The following POLQ variants were observed in gnomAD, a reference collection of about 807,000 sequenced individuals.
POLQ encodes DNA polymerase theta.
POLQ carries 233 observed loss-of-function variants against 259.2 expected under a neutral mutation model. The ratio of observed to expected loss-of-function variants is 0.90; its 90% confidence interval spans 0.81 to 1.00. The LOEUF is 1.00. Ranked by LOEUF, POLQ falls within the 50% of genes least tolerant of loss-of-function variation. The pLI, the probability that POLQ is intolerant of heterozygous loss-of-function variation, is 0.00. For missense variants in POLQ, 2,871 were observed against 3,051.6 expected (o/e 0.94, Z 1.39); for synonymous variants, 1,025 against 1,048.8 (o/e 0.98, Z 0.44).
chr3:121,481,022 C>T (rs1329786119), intron 19 of POLQ, among the ~76,000 whole-genome samples: 1 of 152,106 alleles, frequency 6.6e-6, no homozygotes, highest in African/African-American at 2.4e-5. Flanking sequence ...CAGCAGATAA[C>T]AATGACAATA....
In POLQ at chr3:121,468,347, G is replaced by A. The variant is rs1051069163; in HGVS notation, c.6803C>T (p.Pro2268Leu). 1.2e-6 allele frequency: 2 copies of A among 1,611,730 alleles called. No individual in the cohort carries two copies. Among genetic ancestry groups the A allele is most frequent in the Non-Finnish European group, 1.7e-6 (2 of 1,178,140 alleles). Reference sequence around the variant, plus strand: ...GCCTTTGCCTACAGCTTGAGAAGGTGGGCTTTCTCCTACTAGTGTTGGCAT... The same window carrying A: ...GCCTTTGCCTACAGCTTGAGAAGGTAGGCTTTCTCCTACTAGTGTTGGCAT... ...IKMPTLVGES[P>L]PSQAVGKGLL... The change falls in exon 23 of 30, where the codon CCA becomes CTA. Residue 2268 changes from proline to leucine, a missense_variant. Pro to Leu is a moderately conservative substitution (Grantham distance 98). Transcript: ENST00000264233.
intron 26 of POLQ, among the ~76,000 whole-genome samples, chr3:121,444,570 T>A (rs2047618013): frequency 6.6e-6 from 1 of 152,208 alleles, no homozygotes; most frequent in African/African-American, 2.4e-5. Context: ...TCCTTTCCAG[T>A]GTGGATGTCC....
chr3:121,453,190 G>A (rs954093258), intron 25 of POLQ, among the ~76,000 whole-genome samples: 2 of 152,190 alleles, frequency 1.3e-5, no homozygotes, highest in African/African-American at 4.8e-5. Context: ...CTGTCTGTTA[G>A]AAGGAAAACT....
chr3:121,515,961 A>G (rs1212010013), intron 9 of POLQ, among the ~76,000 whole-genome samples: 2 of 151,996 alleles, frequency 1.3e-5, no homozygotes, highest in African/African-American at 2.4e-5. Flanking sequence ...CAAAACAAGA[A>G]GTTTGACAAA....
At chr3:121,492,698 C>G (rs2048078386) in intron 15 of POLQ, among the ~76,000 whole-genome samples, 1 of 150,958 alleles carries the variant, frequency 6.6e-6, no homozygotes, top group Admixed American at 6.6e-5. Flanking sequence ...TTCAGTGGCA[C>G]TATCAGGGCT....
chr3:121,449,986 T>C lies in POLQ; in HGVS notation c.7153-560A>G, dbSNP rs536689688. 4.6e-5 allele frequency among the ~76,000 whole-genome samples: 7 copies of C among 152,286 alleles called. No homozygotes were observed. The South Asian group carries it at 1.0e-3, about 23-fold the overall frequency. The stretch of plus-strand genomic sequence containing the variant: ...ACTCCTAAGAAAATTTCGGGAGTAG[T>C]GAAGGGAAATGATCTAAATAGGCAA... On this transcript the variant is annotated intron_variant, in intron 25 of 29. Transcript: ENST00000264233.
chr3:121,457,329 G>T (rs1204971902), intron 25 of POLQ, among the ~76,000 whole-genome samples: 2 of 152,134 alleles, frequency 1.3e-5, no homozygotes, highest in East Asian at 1.9e-4. Context: ...CATGGGCAAG[G>T]ACTTCATGTC....
intron 26 of POLQ, among the ~76,000 whole-genome samples, chr3:121,440,438 G>A (rs2047581935): frequency 6.6e-6 from 1 of 152,102 alleles, no homozygotes; most frequent in Non-Finnish European, 1.5e-5. Flanking sequence ...AGGCTCAGGA[G>A]ATCCTCCCAC....
At chr3:121,508,472 C>G (rs1393971236) in intron 12 of POLQ, among the ~76,000 whole-genome samples, 1 of 152,102 alleles carries the variant, frequency 6.6e-6, no homozygotes, top group Non-Finnish European at 1.5e-5. Context: ...AATACTTACC[C>G]AAGGTTATAT....
Position 121,467,678 on chromosome 3 carries a change from A to T in POLQ, c.6846-38T>A, listed in dbSNP as rs764740837. Reference sequence around the variant, plus strand: ...CAACATCATCAGTTAGACATGAAGCAGTCTCAAATATATGAAAAAGGTCTG... The same window carrying T: ...CAACATCATCAGTTAGACATGAAGCTGTCTCAAATATATGAAAAAGGTCTG... On this transcript the variant is annotated intron_variant, in intron 23 of 29. Coordinates refer to ENST00000264233, the MANE Select transcript of POLQ (RefSeq NM_199420.4). The T allele has an allele frequency of 1.5e-5, 24 of 1,597,622 alleles. No individual in the cohort carries two copies. In the South Asian group the frequency reaches 2.5e-4, roughly 16 times the overall value.
Position 121,493,024 on chromosome 3 carries a change from G to A in POLQ, c.2522+454C>T, listed in dbSNP as rs1022770144. On this transcript the variant is annotated intron_variant, in intron 15 of 29. Coordinates refer to ENST00000264233, the MANE Select transcript of POLQ (RefSeq NM_199420.4). ...ACAAAATAAAAAGTAATCTGCAGCC[G>A]GGCACTTTGGCTCACGCCTATAATC... 3.9e-5 allele frequency among the ~76,000 whole-genome samples: 6 copies of A among 152,058 alleles called. No homozygotes were observed. In the South Asian group the frequency reaches 8.3e-4, roughly 21 times the overall value.
Position 121,545,816 on chromosome 3 carries a change from G to C in POLQ, c.62C>G (p.Ser21Trp), listed in dbSNP as rs752406703. The part of the protein sequence containing the change: ...RRSESGSDSF[S>W]GSGGDSSASP... ...GGCACTGCTGTCACCGCCGCTTCCC[G>C]AGAACGAATCTGAGCCTGATTCTGA... The change falls in exon 1 of 30, where the codon TCG becomes TGG. Residue 21 changes from serine (S) to tryptophan (W), a missense_variant. By Grantham distance (177) the Ser-to-Trp change is radical. This residue lies in a region of POLQ where 783 missense variants were observed against 906.2 expected (regional missense o/e 0.86). Transcript: ENST00000264233. The C allele has an allele frequency of 9.3e-6, 15 of 1,613,614 alleles. No homozygotes were observed. In the South Asian group the frequency reaches 1.5e-4, roughly 17 times the overall value.
At chr3:121,540,725 G>A (rs146581161) in intron 3 of POLQ, among the ~76,000 whole-genome samples, 5,710 of 152,132 alleles carry the variant, frequency 0.038, 341 homozygotes, top group Admixed American at 0.17. Flanking sequence ...TCAGTTAAAT[G>A]CTGATTCTTA....
rs760236173 is a variant in POLQ, at chr3:121,487,317, T to G, written c.5614A>C (p.Ser1872Arg). The change falls in exon 16 of 30, where the codon AGT (serine) becomes CGT (arginine). Residue 1872 changes from serine (S) to arginine (R), a missense_variant. Coordinates refer to ENST00000264233, the MANE Select transcript of POLQ (RefSeq NM_199420.4). ...AAATTCTTACCTTGCTTAAACCTACTGCCAATAGTAGCAGTTTTAGAAGAT... is the reference window on the plus strand; with the variant it reads ...AAATTCTTACCTTGCTTAAACCTACGGCCAATAGTAGCAGTTTTAGAAGAT... ...LTSSKTATIG[S>R]RFKQASSPQE... 8.4e-5 allele frequency: 132 copies of G among 1,580,690 alleles called. No individual in the cohort carries two copies. Among genetic ancestry groups the G allele is most frequent in the South Asian group, 2.0e-4 (17 of 85,166 alleles).
chr3:121,432,904 C>A lies in POLQ; in HGVS notation c.7659+14G>T, dbSNP rs775007463. The A allele has an allele frequency of 4.4e-6, 6 of 1,369,278 alleles. No homozygotes were observed. The highest frequency in any genetic ancestry group is 6.3e-6 in the Non-Finnish European group (6 of 956,938). The allele number at this position is 1,369,278 out of a possible 1,614,324, so 84.8% of individuals were successfully genotyped here. On this transcript the variant is annotated intron_variant, in intron 29 of 29. Transcript: ENST00000264233. ...TGTCTTCCTATGGAATGGACACAAG[C>A]ATTGCAAAAATACCTGAACAACATC...
intron 28 of POLQ, among the ~76,000 whole-genome samples, chr3:121,435,343 G>A (rs12629829): frequency 2.6e-5 from 4 of 152,126 alleles, no homozygotes; most frequent in Non-Finnish European, 5.9e-5. Flanking sequence ...CTGAAAGTAA[G>A]AACAAGAAAA....
intron 14 of POLQ, among the ~76,000 whole-genome samples, chr3:121,495,587 G>A (rs961900849): frequency 1.3e-4 from 19 of 151,930 alleles, no homozygotes; most frequent in African/African-American, 4.6e-4. Flanking sequence ...GCTTATACCT[G>A]TAATCCCAGT....
At chr3:121,482,292 G>A (rs958897124) in intron 18 of POLQ, among the ~76,000 whole-genome samples, 18 of 152,296 alleles carry the variant, frequency 1.2e-4, no homozygotes, top group Middle Eastern at 3.4e-3. Context: ...ACTGAGGCGG[G>A]TTGATCACCT....
At chr3:121,498,917 A>G (rs1228005711) in intron 12 of POLQ, among the ~76,000 whole-genome samples, 1 of 152,006 alleles carries the variant, frequency 6.6e-6, no homozygotes, top group East Asian at 1.9e-4. Context: ...AATGAAATAA[A>G]ATAAAATAAA....
Sources: gnomAD v4.1 joint callset for allele counts (sites outside exome capture counted in the v4.1 genomes callset) on GRCh38, gnomAD v4.1.1 for gene constraint, gnomAD v4.1.1 regional missense constraint, MANE v1.5 for transcripts, NCBI Gene and HGNC (gene_info 2026-07-23, HGNC 2026-07-21) for gene names.